CD300LB: variants seen among roughly 807,000 people sequenced by gnomAD.
The protein encoded by CD300LB is CD300 molecule like family member b, also known as CMRF35-like molecule 7.
A neutral mutation model predicts 20.8 loss-of-function variants in CD300LB; 18 were observed. The ratio of observed to expected loss-of-function variants is 0.87; its 90% CI spans 0.60 to 1.28. The LOEUF is 1.28. CD300LB is among the 50% of genes most tolerant of loss of function. CD300LB has a pLI of 0.00. For synonymous variants in CD300LB, 91 were observed against 91.3 expected, an observed-to-expected ratio of 1.00 and a Z score of 0.02; for missense variants, 222 against 251.8, an observed-to-expected ratio of 0.88 and a Z score of 0.80.
Position 74,523,617 on chromosome 17 carries a change from G to A in CD300LB, c.405C>T (p.Thr135=). Residue 135 remains threonine (T), a synonymous_variant, in exon 3 of 4, where the codon ACC becomes ACT. Transcript: ENST00000392621. ...GAASTTASSP[T]NSNMAVFIGS... ...CGATGAACACTGCCATATTGCTGTT[G>A]GTAGGTGAGCTTGCTGTTGTGGAAG... is the stretch of plus-strand genomic sequence containing the variant. 4 of 1,613,624 alleles carry A rather than the reference G, an allele frequency of 2.5e-6. No homozygotes were observed. The South Asian group carries it at 3.3e-5, about 13-fold the overall frequency.
At position 74,521,261 on chromosome 17, in the gene CD300LB, C is replaced by T. The variant is rs994855976; in HGVS notation, c.*1477G>A. The T allele has an allele frequency of 3.0e-5, 20 of 676,242 alleles. No individual in the cohort carries two copies. Among genetic ancestry groups the T allele is most frequent in the Non-Finnish European group, 3.5e-5 (19 of 547,726 alleles). The allele number at this position is 676,242 out of a possible 1,614,324, so 41.9% of individuals were successfully genotyped here. On this transcript the variant is annotated 3_prime_UTR_variant, in exon 4 of 4. Coordinates refer to ENST00000392621, the MANE Select transcript of CD300LB (RefSeq NM_174892.4). ...TCACGTTGACAAGCGCCCATGTCCC[C>T]TCGCCCCTGAGTCCAGCTGGTGAAG...
Position 74,526,096 on chromosome 17 carries a change from A to G in CD300LB, c.41-19T>C, listed in dbSNP as rs1358999796. ...AAACAGCCTGGAAAACAGAATCCCA[A>G]GATACAGCTCATTGCACCGGCACGA... On this transcript the variant is annotated intron_variant, in intron 1 of 3. Coordinates refer to ENST00000392621, the MANE Select transcript of CD300LB (RefSeq NM_174892.4). 1 of 1,609,062 alleles carries G rather than the reference A, an allele frequency of 6.2e-7. No individual in the cohort carries two copies. The highest frequency in any genetic ancestry group is 8.5e-7 in the Non-Finnish European group (1 of 1,176,652).
At chr17:74,530,069 G>A (rs1908157279) in intron 1 of CD300LB, among the ~76,000 whole-genome samples, 1 of 152,236 alleles carries the variant, frequency 6.6e-6, no homozygotes, top group Non-Finnish European at 1.5e-5. Context: ...GGAAATGACA[G>A]GGCAGCCGTC....
At chr17:74,523,047 T>C in intron 3 of CD300LB, 147 bp from the exon 4 acceptor site, 2 of 731,624 alleles carry the variant, frequency 2.7e-6, no homozygotes, top group Non-Finnish European at 4.4e-6. Flanking sequence ...TCCTCCTTGG[T>C]TCAACCTCAA....
In CD300LB at chr17:74,523,665, A is replaced by G; in HGVS notation, c.371-14T>C. On this transcript the variant is annotated splice_polypyrimidine_tract_variant and intron_variant, in intron 2 of 3. Transcript: ENST00000392621. ...AAGCCGCTCCCTCTAGACACAGGCA[A>G]AGTCAGCCATGGGTTATTAGCACAG... is the stretch of plus-strand genomic sequence containing the variant. The G allele has an allele frequency of 1.3e-6, 2 of 1,594,356 alleles. No individual in the cohort carries two copies. The highest frequency in any genetic ancestry group is 8.6e-7 in the Non-Finnish European group (1 of 1,161,968).
rs899133700 is a variant in CD300LB at position 74,521,258 on chromosome 17, C to T, written c.*1480G>A. ...ACATCACGTTGACAAGCGCCCATGT[C>T]CCCTCGCCCCTGAGTCCAGCTGGTG... On this transcript the variant is annotated 3_prime_UTR_variant, in exon 4 of 4. Coordinates refer to ENST00000392621, the MANE Select transcript of CD300LB (RefSeq NM_174892.4). 1 of 603,740 alleles carries T rather than the reference C, an allele frequency of 1.7e-6. No homozygotes were observed. Among genetic ancestry groups the T allele is most frequent in the Non-Finnish European group, 2.1e-6 (1 of 481,552 alleles). The allele number at this position is 603,740 out of a possible 1,614,324, so 37.4% of individuals were successfully genotyped here. A position where few individuals can be genotyped will look rare whatever the true frequency, so the allele number is the denominator to read the frequency against.
intron 1 of CD300LB, 44 bp from the exon 2 acceptor site, chr17:74,526,121 A>G (rs772936326): frequency 6.3e-7 from 1 of 1,583,620 alleles, no homozygotes; most frequent in Non-Finnish European, 8.6e-7. Context: ...CACCGGCACG[A>G]ACCCCTGCTC....
chr17:74,526,009 G>A lies in CD300LB; in HGVS notation c.109C>T (p.His37Tyr). The change falls in exon 2 of 4, where the codon CAC (histidine) becomes TAC (tyrosine). Residue 37 changes from histidine (H) to tyrosine (Y), a missense_variant. Physicochemically the swap from His to Tyr is moderately conservative, Grantham distance 83 (BLOSUM62 2). Transcript: ENST00000392621. ...PEQGSLTVQC[H>Y]YKQGWETYIK... is the part of the protein sequence containing the mutation. ...TAGGTCTCCCATCCTTGCTTATAGT[G>A]GCATTGAACCGTCAGGGACCCCTGC... 1 of 1,614,138 alleles carries A rather than the reference G, an allele frequency of 6.2e-7. No homozygotes were observed. The highest frequency in any genetic ancestry group is 8.5e-7 in the Non-Finnish European group (1 of 1,180,026).
Position 74,522,145 on chromosome 17 carries a change from C to T in CD300LB, c.*593G>A, listed in dbSNP as rs961082542. The T allele has an allele frequency of 7.1e-6, 7 of 985,376 alleles. No individual in the cohort carries two copies. In the African/African-American group the frequency reaches 8.7e-5, roughly 12 times the overall value. The allele number at this position is 985,376 out of a possible 1,614,324, so 61.0% of individuals were successfully genotyped here. A position where few individuals can be genotyped will look rare whatever the true frequency, so the allele number is the denominator to read the frequency against. On this transcript the variant is annotated 3_prime_UTR_variant, in exon 4 of 4. Coordinates refer to ENST00000392621, the MANE Select transcript of CD300LB (RefSeq NM_174892.4). ...GCCAGGGAGGTTCCCATTGCCTCCT[C>T]AGCCCTGTGGACTCAGAGCCATGTC...
Position 74,521,833 on chromosome 17 carries a change from A to G in CD300LB, c.*905T>C. The G allele has an allele frequency of 1.0e-6, 1 of 985,518 alleles. No homozygotes were observed. The highest frequency in any genetic ancestry group is 1.7e-5 in the African/African-American group (1 of 57,356). 61.0% of individuals were successfully genotyped at this position (985,518 alleles called of 1,614,324 possible). A position where few individuals can be genotyped will look rare whatever the true frequency, so the allele number is the denominator to read the frequency against. On this transcript the variant is annotated 3_prime_UTR_variant, in exon 4 of 4. Coordinates refer to ENST00000392621, the MANE Select transcript of CD300LB (RefSeq NM_174892.4). ...TTCAAGGGCCTCATCGCCGTGGGTG[A>G]AGCCTGTGAGGAGACAGAACCACTT...
chr17:74,522,993 T>A, intron 3 of CD300LB, 93 bp from the exon 4 acceptor site: 1 of 1,287,172 alleles, frequency 7.8e-7, no homozygotes, highest in Non-Finnish European at 1.1e-6. Flanking sequence ...CCAAAGCCTG[T>A]GACCCTGGGC....
chr17:74,527,404 G>A (rs1344030586), intron 1 of CD300LB, among the ~76,000 whole-genome samples: 2 of 152,266 alleles, frequency 1.3e-5, no homozygotes, highest in African/African-American at 2.4e-5. Context: ...GCAGGGTGGA[G>A]AAAGCCAGGT....
intron 2 of CD300LB, among the ~76,000 whole-genome samples, chr17:74,524,911 G>A (rs1344267660): frequency 6.6e-6 from 1 of 152,162 alleles, no homozygotes; most frequent in Non-Finnish European, 1.5e-5. Flanking sequence ...GACCCTTTCT[G>A]GACTCCTCTT....
At chr17:74,524,053 G>A (rs551854054) in intron 2 of CD300LB, among the ~76,000 whole-genome samples, 37 of 152,212 alleles carry the variant, frequency 2.4e-4, no homozygotes, top group Non-Finnish European at 5.3e-4. Context: ...GGGCTGTCCA[G>A]AAATTGGGGT....
intron 1 of CD300LB, among the ~76,000 whole-genome samples, chr17:74,529,924 G>C (rs1175477286): frequency 6.6e-6 from 1 of 152,260 alleles, no homozygotes; most frequent in Non-Finnish European, 1.5e-5. Context: ...CATTCAAACT[G>C]TAAATGGCTC....
chr17:74,525,034 G>A (rs763218370), intron 2 of CD300LB, among the ~76,000 whole-genome samples: 3 of 152,116 alleles, frequency 2.0e-5, no homozygotes, highest in Non-Finnish European at 4.4e-5. Flanking sequence ...AAATGGACCC[G>A]AGTGGACACT....
chr17:74,527,318 AG>A, intron 1 of CD300LB, among the ~76,000 whole-genome samples: 1 of 152,242 alleles, frequency 6.6e-6, no homozygotes, highest in East Asian at 1.9e-4. Context: ...GTGGATAAAC[AG>A]GCAGAGAATC....
Position 74,522,638 on chromosome 17 carries a change from C to CTCAG in CD300LB, c.*96_*99dup. ...CAGGGCGGAGGCCCAGGGCCCCTAT[C>CTCAG]TCAGTCACTGCATCCCGAGGACTCG... On this transcript the variant is annotated 3_prime_UTR_variant, in exon 4 of 4. Transcript: ENST00000392621. 1.9e-6 allele frequency: 3 copies of CTCAG among 1,554,674 alleles called. No homozygotes were observed. The South Asian group carries it at 3.7e-5, about 19-fold the overall frequency.
chr17:74,531,031 C>T (rs1334987364), intron 1 of CD300LB, among the ~76,000 whole-genome samples: 2 of 152,188 alleles, frequency 1.3e-5, no homozygotes, highest in African/African-American at 4.8e-5. Context: ...TCTTAAACGC[C>T]TGGACTCAAG....
Sources: gnomAD v4.1 joint callset for allele counts (sites outside exome capture counted in the v4.1 genomes callset) on GRCh38, gnomAD v4.1.1 for gene constraint, MANE v1.5 for transcripts, NCBI Gene and HGNC (gene_info 2026-07-23, HGNC 2026-07-21) for gene names.